The following CYP3A43 variants were observed in gnomAD, a reference collection of about 807,000 sequenced individuals.
CYP3A43 encodes the protein cytochrome P450 3A43.
CYP3A43 carries 45 observed loss-of-function variants against 58.0 expected under a neutral mutation model. The ratio of observed to expected loss-of-function variants is 0.78; its 90% CI spans 0.61 to 0.99. CYP3A43 has a LOEUF of 0.99. CYP3A43 is among the 50% of genes least tolerant of loss of function. The pLI, the probability that CYP3A43 is intolerant of heterozygous loss-of-function variation, is 0.00. For synonymous variants in CYP3A43, 191 were observed against 201.4 expected (o/e 0.95, Z 0.44); for missense variants, 593 against 591.9 (o/e 1.00, Z -0.02).
At chr7:99,832,997 C>A (rs917550358) in intron 1 of CYP3A43, among the ~76,000 whole-genome samples, 10 of 152,146 alleles carry the variant, frequency 6.6e-5, no homozygotes, top group African/African-American at 2.4e-4. Flanking sequence ...AATAGACATA[C>A]GTGAATGAAA....
chr7:99,847,304 A>G (rs532149831), intron 4 of CYP3A43, among the ~76,000 whole-genome samples, 184 bp from the exon 5 acceptor site: 3 of 151,978 alleles, frequency 2.0e-5, no homozygotes, highest in South Asian at 2.1e-4. Context: ...TCCCCCTTCC[A>G]TATGCTTACA....
At chr7:99,853,562 A>G (rs1584229244) in intron 7 of CYP3A43, among the ~76,000 whole-genome samples, 1 of 151,918 alleles carries the variant, frequency 6.6e-6, no homozygotes, top group Admixed American at 6.6e-5. Context: ...GTAAAATTTG[A>G]GCTTTTTTTT....
chr7:99,851,855 T>G (rs531831830), intron 7 of CYP3A43, among the ~76,000 whole-genome samples: 5 of 152,360 alleles, frequency 3.3e-5, no homozygotes, highest in African/African-American at 1.2e-4. Flanking sequence ...CCTGTAGGTA[T>G]CAAATCTAAG....
Position 99,856,845 on chromosome 7 carries a change from TTC to T in CYP3A43, c.813_814del (p.Phe272SerfsTer16). 1 of 1,613,986 alleles carries T rather than the reference TTC, an allele frequency of 6.2e-7. No homozygotes were observed. The highest frequency in any genetic ancestry group is 8.5e-7 in the Non-Finnish European group (1 of 1,179,972). Reference protein sequence around the residue: ...LKDKQKHRVDFFQQMIDSQNS... With the variant: ...LKDKQKHRVDXFQQMIDSQNS... ...TTTTTGCTTCCAGCATCGAGTAGATTTCTTTCAACAGATGATCGACTCCCAGA... is the reference window on the plus strand; with the variant it reads ...TTTTTGCTTCCAGCATCGAGTAGATTTTTCAACAGATGATCGACTCCCAGA... On this transcript the variant is annotated frameshift_variant, in exon 9 of 13. Coordinates refer to ENST00000354829, the MANE Select transcript of CYP3A43 (RefSeq NM_057095.3). LOFTEE classifies it high-confidence loss of function.
chr7:99,863,738 T>A, intron 12 of CYP3A43, 39 bp downstream of exon 12: 1 of 1,445,000 alleles, frequency 6.9e-7, no homozygotes, highest in Non-Finnish European at 9.3e-7. Flanking sequence ...TATTGGGAGT[T>A]TTTTAAACTG....
intron 7 of CYP3A43, among the ~76,000 whole-genome samples, chr7:99,854,713 A>G (rs1031608381): frequency 2.0e-5 from 3 of 152,114 alleles, no homozygotes; most frequent in Admixed American, 1.3e-4. Flanking sequence ...CCCTCTGAAC[A>G]TTGCTTTGGC....
chr7:99,852,456 ACT>A (rs1817798011), intron 7 of CYP3A43, among the ~76,000 whole-genome samples: 1 of 151,490 alleles, frequency 6.6e-6, no homozygotes. Flanking sequence ...TTATTTAGAT[ACT>A]CTTTCATTTA....
chr7:99,834,772 G>A (rs529733398), intron 1 of CYP3A43, among the ~76,000 whole-genome samples: 100 of 152,298 alleles, frequency 6.6e-4, no homozygotes, highest in East Asian at 4.4e-3. Context: ...TCCTCATTGG[G>A]CAATACAGTA....
At chr7:99,850,258 TTTTC>T (rs977833776) in intron 7 of CYP3A43, among the ~76,000 whole-genome samples, 35 of 149,878 alleles carry the variant, frequency 2.3e-4, no homozygotes, top group Admixed American at 1.1e-3. Context: ...CCTGGCCTTT[TTTTC>T]TTTCTTTCTT....
intron 4 of CYP3A43, among the ~76,000 whole-genome samples, chr7:99,845,966 G>A (rs188687023): frequency 2.6e-5 from 4 of 151,840 alleles, no homozygotes; most frequent in South Asian, 2.1e-4. Context: ...TAGTAGATAC[G>A]GGGTTTCGCC....
intron 6 of CYP3A43, among the ~76,000 whole-genome samples, chr7:99,849,304 C>T (rs761828608): frequency 4.6e-5 from 7 of 152,350 alleles, no homozygotes; most frequent in Non-Finnish European, 7.3e-5. Context: ...GACTGAGGTC[C>T]TTGAGCTCAG....
chr7:99,839,199 A>C, intron 3 of CYP3A43, 27 bp downstream of exon 3: 7 of 1,613,528 alleles, frequency 4.3e-6, no homozygotes, highest in Non-Finnish European at 5.9e-6. Context: ...CTTGCATTGG[A>C]TAGAGCTGTT....
At chr7:99,855,522 T>C (rs1817939413) in intron 7 of CYP3A43, 69 bp from the exon 8 acceptor site, 4 of 1,518,824 alleles carry the variant, frequency 2.6e-6, no homozygotes. Flanking sequence ...AAAATTGTAA[T>C]TGTTGTAGGT....
intron 1 of CYP3A43, among the ~76,000 whole-genome samples, chr7:99,833,324 A>AGT (rs1554441997): frequency 1.3e-5 from 2 of 152,064 alleles, no homozygotes; most frequent in African/African-American, 4.8e-5. Context: ...ATTTCGTGGG[A>AGT]GGGGGGAGAT....
At chr7:99,849,917 TACCATTTA>T (rs1313754021) in intron 7 of CYP3A43, 33 of 592,896 alleles carry the variant, frequency 5.6e-5, no homozygotes, top group Non-Finnish European at 8.2e-5. Flanking sequence ...AGAAACCACA[TACCATTTA>T]ACCATCATCC....
chr7:99,845,287 A>G (rs970279991), intron 4 of CYP3A43, among the ~76,000 whole-genome samples: 6 of 151,846 alleles, frequency 4.0e-5, no homozygotes, highest in African/African-American at 1.5e-4. Flanking sequence ...AAATCAGTTG[A>G]GCAGATTTCT....
At chr7:99,835,289 G>C (rs1817025331) in intron 1 of CYP3A43, among the ~76,000 whole-genome samples, 1 of 152,148 alleles carries the variant, frequency 6.6e-6, no homozygotes, top group Non-Finnish European at 1.5e-5. Context: ...TATAGGTGTT[G>C]GTGTTGTGTC....
chr7:99,858,329 A>G (rs1257066296), intron 9 of CYP3A43, among the ~76,000 whole-genome samples: 1 of 152,158 alleles, frequency 6.6e-6, no homozygotes, highest in Admixed American at 6.5e-5. Context: ...CTCATCTTGT[A>G]TTGTTTTCAG....
chr7:99,850,190 C>T (rs904815889), intron 7 of CYP3A43: 15 of 289,558 alleles, frequency 5.2e-5, no homozygotes, highest in Non-Finnish European at 8.8e-5. Context: ...CCCCTAACCT[C>T]ATGATCCGCC....
Sources: allele counts gnomAD v4.1 joint callset (sites outside exome capture counted in the v4.1 genomes callset), GRCh38; gene constraint gnomAD v4.1.1; transcripts MANE v1.5; gene names NCBI Gene and HGNC (gene_info 2026-07-23, HGNC 2026-07-21).